TRPM3: variants seen among roughly 807,000 people sequenced by gnomAD.
TRPM3 encodes transient receptor potential cation channel subfamily M member 3.
A neutral mutation model predicts 181.2 loss-of-function variants in TRPM3; 77 were observed. The observed-to-expected ratio is 0.42, with a 90% CI of 0.35 to 0.51. TRPM3 has a LOEUF of 0.51. Among genes scored for constraint, TRPM3 ranks in the 20% least tolerant of loss-of-function variants. TRPM3 has a pLI of 0.01. For missense variants in TRPM3, 1,759 were observed against 2,196.7 expected, an observed-to-expected ratio of 0.80 and a Z score of 3.98; for synonymous variants, 745 against 796.4, an observed-to-expected ratio of 0.94 and a Z score of 1.09.
chr9:71,415,173 G>A (rs2093617339), intron 1 of TRPM3, among the ~76,000 whole-genome samples: 1 of 152,028 alleles, frequency 6.6e-6, no homozygotes, highest in Non-Finnish European at 1.5e-5. Flanking sequence ...GCCAAAGAAT[G>A]CTGATAGCCC....
chr9:71,262,376 C>G (rs921368071), intron 1 of TRPM3, among the ~76,000 whole-genome samples: 6 of 152,160 alleles, frequency 3.9e-5, no homozygotes, highest in African/African-American at 1.4e-4. Flanking sequence ...CAACCAAGCT[C>G]CAGTGTCTCA....
At chr9:71,133,829 T>C (rs2074537138) in intron 1 of TRPM3, among the ~76,000 whole-genome samples, 1 of 152,196 alleles carries the variant, frequency 6.6e-6, no homozygotes, top group South Asian at 2.1e-4. Flanking sequence ...AGAAAGGTCA[T>C]TTCCAATCTA....
Position 71,187,989 on chromosome 9 carries a change from TCTATAA to T in TRPM3, c.183+258658_183+258663del, listed in dbSNP as rs1003358170. 2.0e-5 allele frequency among the ~76,000 whole-genome samples: 3 copies of T among 151,866 alleles called. No individual in the cohort carries two copies. The Admixed American group carries it at 2.0e-4, about 10-fold the overall frequency. ...TTAAAAAAGTTAACCAGTATTCAATTCTATAACTATATCATAATTTATCATTCCTCT... is the reference window on the plus strand; with the variant it reads ...TTAAAAAAGTTAACCAGTATTCAATTCTATATCATAATTTATCATTCCTCT... On this transcript the variant is annotated intron_variant, in intron 1 of 24. Coordinates refer to the TRPM3 transcript ENST00000357533.
intron 1 of TRPM3, among the ~76,000 whole-genome samples, chr9:70,866,191 A>C (rs978488579): frequency 6.6e-6 from 1 of 152,090 alleles, no homozygotes; most frequent in Non-Finnish European, 1.5e-5. Context: ...AGAGGGTAAA[A>C]TGCTCTTCAC....
In TRPM3 at chr9:70,621,271, G is replaced by T; in HGVS notation, c.1812C>A (p.Pro604=). 1.9e-6 allele frequency: 3 copies of T among 1,599,758 alleles called. No individual in the cohort carries two copies. The highest frequency in any genetic ancestry group is 2.6e-6 in the Non-Finnish European group (3 of 1,173,058). ...LYHNLFGPKR[P]KALKLLGMED... The stretch of plus-strand genomic sequence containing the variant: ...CCATTCCCAGCAGTTTCAAGGCTTT[G>T]GGCTGTTAAAAAAAACGTTGTGAAC... Residue 604 remains proline (P), a splice_region_variant and synonymous_variant, in exon 15 of 26, where the codon CCC becomes CCA. Transcript: ENST00000677713.
intron 1 of TRPM3, among the ~76,000 whole-genome samples, chr9:70,974,055 C>T (rs550197990): frequency 6.6e-6 from 1 of 152,184 alleles, no homozygotes; most frequent in Non-Finnish European, 1.5e-5. Flanking sequence ...TAACTACCTA[C>T]TAACTAAAGA....
intron 6 of TRPM3, among the ~76,000 whole-genome samples, chr9:70,788,231 C>T: frequency 7.2e-6 from 1 of 138,404 alleles, no homozygotes; most frequent in Non-Finnish European, 1.5e-5. Context: ...TCTCATTGTT[C>T]AATTCCCACC....
intron 1 of TRPM3, among the ~76,000 whole-genome samples, chr9:71,137,182 T>A (rs1474299011): frequency 6.6e-6 from 1 of 152,130 alleles, no homozygotes; most frequent in Non-Finnish European, 1.5e-5. Flanking sequence ...TGGTTTTCCT[T>A]TAAAACTAAT....
At chr9:71,387,190 T>C (rs1483055385) in intron 1 of TRPM3, among the ~76,000 whole-genome samples, 2 of 152,190 alleles carry the variant, frequency 1.3e-5, no homozygotes, top group East Asian at 1.9e-4. Flanking sequence ...TTCCTAATTA[T>C]GGATGGAAAG....
chr9:71,135,114 C>T (rs2074684367), intron 1 of TRPM3, among the ~76,000 whole-genome samples: 1 of 152,222 alleles, frequency 6.6e-6, no homozygotes, highest in Non-Finnish European at 1.5e-5. Context: ...CTCAAGCATT[C>T]ACCTAGAGCC....
intron 22 of TRPM3, among the ~76,000 whole-genome samples, chr9:70,561,631 G>GT (rs1280659874): frequency 6.6e-6 from 1 of 152,196 alleles, no homozygotes; most frequent in Admixed American, 6.5e-5. Context: ...TGTGGCTTAA[G>GT]TTTTTTCTCT....
intron 16 of TRPM3, among the ~76,000 whole-genome samples, chr9:70,619,692 G>C (rs1305741588): frequency 6.6e-6 from 1 of 152,060 alleles, no homozygotes; most frequent in Non-Finnish European, 1.5e-5. Context: ...TGGGATTACA[G>C]GCACGAGTCA....
chr9:71,226,009 T>TAAAAAAAAAAAAAAAAA, intron 1 of TRPM3, among the ~76,000 whole-genome samples: 16 of 34,702 alleles, frequency 4.6e-4, no homozygotes, highest in South Asian at 2.4e-3. Context: ...CAACAAAAGG[T>TAAAAAAAAAAAAAAAAA]AAAAAAAAAA....
intron 1 of TRPM3, among the ~76,000 whole-genome samples, chr9:70,869,672 G>T (rs972407014): frequency 3.3e-5 from 5 of 151,972 alleles, no homozygotes; most frequent in Non-Finnish European, 7.4e-5. Flanking sequence ...AAACTTCTCC[G>T]ATCATACTTC....
chr9:70,765,562 A>T (rs1301576926), intron 7 of TRPM3, among the ~76,000 whole-genome samples: 1 of 152,190 alleles, frequency 6.6e-6, no homozygotes, highest in Non-Finnish European at 1.5e-5. Flanking sequence ...ACTGCACTCC[A>T]GCCTGGGCAG....
Position 70,686,595 on chromosome 9 carries a change from T to G in TRPM3, c.1273-5017A>C, listed in dbSNP as rs1413890721. Among the ~76,000 whole-genome samples the G allele has an allele frequency of 1.6e-3, 68 of 42,662 alleles. No homozygotes were observed. In the South Asian group the frequency reaches 0.066, roughly 41 times the overall value. The allele number at this position is 42,662 out of a possible 152,430, so 28.0% of individuals were successfully genotyped here. Reference sequence around the variant, plus strand: ...GGAAACCCCTCCCTCCCTCCCTCCCTCCCTCCCTCCCTCCCGCCCTTCCTG... The same window carrying G: ...GGAAACCCCTCCCTCCCTCCCTCCCGCCCTCCCTCCCTCCCGCCCTTCCTG... On this transcript the variant is annotated intron_variant, in intron 8 of 25. Coordinates refer to ENST00000677713, the MANE Select transcript of TRPM3 (RefSeq NM_001366145.2).
chr9:71,079,024 T>A (rs994153728), intron 1 of TRPM3, among the ~76,000 whole-genome samples: 1 of 151,970 alleles, frequency 6.6e-6, no homozygotes, highest in Non-Finnish European at 1.5e-5. Flanking sequence ...GCACTATTTT[T>A]TTTTTCCATA....
intron 1 of TRPM3, among the ~76,000 whole-genome samples, chr9:71,352,415 G>T (rs1388691800): frequency 6.6e-6 from 1 of 152,048 alleles, no homozygotes; most frequent in African/African-American, 2.4e-5. Flanking sequence ...ATAGCACAGA[G>T]ATGTCACTGA....
intron 1 of TRPM3, chr9:70,916,916 C>T (rs921058805): frequency 1.9e-5 from 19 of 998,022 alleles, no homozygotes; most frequent in Admixed American, 5.3e-5. Context: ...TGGTTCACTT[C>T]TCTTTAGATA....
Sources: allele counts gnomAD v4.1 joint callset (sites outside exome capture counted in the v4.1 genomes callset), GRCh38; gene constraint gnomAD v4.1.1; transcripts MANE v1.5; gene names NCBI Gene and HGNC (gene_info 2026-07-23, HGNC 2026-07-21).